The following GPAT3 variants were observed in gnomAD, a reference collection of about 807,000 sequenced individuals.
GPAT3 encodes the protein 1-AGP acyltransferase 9.
In GPAT3, 53 loss-of-function variants were observed where a neutral mutation model predicts 58.8. That is an observed-to-expected ratio of 0.90 (90% CI 0.72 to 1.13). The LOEUF (loss-of-function observed/expected upper bound fraction) is 1.13. GPAT3 is among the 50% of genes most tolerant of loss of function. GPAT3 has a pLI of 0.00. For synonymous variants in GPAT3, 197 were observed against 187.4 expected (o/e 1.05, Z -0.42); for missense variants, 511 against 527.6 (o/e 0.97, Z 0.31).
intron 1 of GPAT3, among the ~76,000 whole-genome samples, chr4:83,543,638 C>T (rs1303851021): frequency 2.7e-5 from 4 of 150,796 alleles, no homozygotes; most frequent in Admixed American, 2.6e-4. Context: ...CTTTTTCATT[C>T]TTTTTTTTTG....
At chr4:83,559,098 T>C (rs1725039297) in intron 2 of GPAT3, among the ~76,000 whole-genome samples, 1 of 152,192 alleles carries the variant, frequency 6.6e-6, no homozygotes, top group Admixed American at 6.5e-5. Flanking sequence ...TTATATGAGA[T>C]ATTTTCCAAG....
chr4:83,548,351 C>T (rs1320460492), intron 2 of GPAT3, among the ~76,000 whole-genome samples: 1 of 152,152 alleles, frequency 6.6e-6, no homozygotes. Context: ...AGGCACCAGC[C>T]TTACTCTTTG....
intron 11 of GPAT3, among the ~76,000 whole-genome samples, chr4:83,599,544 G>C (rs534516331): frequency 6.6e-6 from 1 of 152,142 alleles, no homozygotes; most frequent in Non-Finnish European, 1.5e-5. Context: ...TATGAAGAAA[G>C]CGGGAATGGA....
Position 83,551,706 on chromosome 4 carries a change from C to T in GPAT3, c.208+7104C>T, listed in dbSNP as rs1337136463. Among the ~76,000 whole-genome samples the T allele has an allele frequency of 4.0e-5, 6 of 150,260 alleles. 1 individual carries two copies. Among genetic ancestry groups the T allele is most frequent in the African/African-American group, 7.4e-5 (3 of 40,744 alleles). ...ACTCAGGAGGCTGAGGCAGGAGAAT[C>T]GCTTGAACCTGGGAGGCAGAGGTTG... On this transcript the variant is annotated intron_variant, in intron 2 of 11. Coordinates refer to ENST00000264409, the MANE Select transcript of GPAT3 (RefSeq NM_032717.5).
At chr4:83,578,225 G>A (rs1725891724) in intron 2 of GPAT3, among the ~76,000 whole-genome samples, 1 of 152,142 alleles carries the variant, frequency 6.6e-6, no homozygotes, top group African/African-American at 2.4e-5. Context: ...TTAAAACAGA[G>A]TTCTTTGACA....
chr4:83,555,845 A>C (rs1016071173), intron 2 of GPAT3, among the ~76,000 whole-genome samples: 2 of 152,198 alleles, frequency 1.3e-5, no homozygotes, highest in African/African-American at 4.8e-5. Context: ...GTCAAAATTT[A>C]ATTGAATTAT....
intron 2 of GPAT3, among the ~76,000 whole-genome samples, chr4:83,564,555 C>T (rs1173605626): frequency 1.3e-5 from 2 of 151,944 alleles, no homozygotes; most frequent in Non-Finnish European, 2.9e-5. Context: ...AAAAATTAGC[C>T]AGGTGTGGTG....
intron 1 of GPAT3, among the ~76,000 whole-genome samples, chr4:83,541,965 G>A (rs1252973699): frequency 6.6e-6 from 1 of 152,116 alleles, no homozygotes; most frequent in East Asian, 1.9e-4. Flanking sequence ...TTGGATTAGG[G>A]CCCACCCTAA....
At chr4:83,559,575 C>T (rs9990474) in intron 2 of GPAT3, among the ~76,000 whole-genome samples, 8,953 of 152,182 alleles carry the variant, frequency 0.059, 876 homozygotes, top group African/African-American at 0.2. Flanking sequence ...CTGCTTGCCT[C>T]GGCCCCCCAA....
upstream of GPAT3, chr4:83,535,871 T>G (rs987078784): frequency 2.0e-6 from 2 of 985,330 alleles, no homozygotes; most frequent in African/African-American, 3.5e-5. Context: ...CCCAGATACG[T>G]CAGCAGTTCA....
chr4:83,603,332 G>A (rs529746144), intron 11 of GPAT3, among the ~76,000 whole-genome samples: 3 of 152,278 alleles, frequency 2.0e-5, no homozygotes, highest in Middle Eastern at 3.4e-3. Context: ...TACCCAGGCA[G>A]GCACCCTGGA....
intron 2 of GPAT3, among the ~76,000 whole-genome samples, chr4:83,569,408 C>A: frequency 6.6e-6 from 1 of 152,130 alleles, no homozygotes; most frequent in East Asian, 1.9e-4. Flanking sequence ...AAAAGAGAGA[C>A]CATTTTCTAT....
At chr4:83,554,513 A>G (rs1289364577) in intron 2 of GPAT3, among the ~76,000 whole-genome samples, 3 of 152,142 alleles carry the variant, frequency 2.0e-5, no homozygotes, top group Non-Finnish European at 4.4e-5. Context: ...AATAATAATC[A>G]TAATCACCAC....
At chr4:83,580,810 A>G (rs10035052) in intron 2 of GPAT3, among the ~76,000 whole-genome samples, 50,484 of 151,980 alleles carry the variant, frequency 0.33, 8,485 homozygotes, top group Middle Eastern at 0.44. Context: ...ATATATTAAA[A>G]AATCGGCCGG....
intron 6 of GPAT3, among the ~76,000 whole-genome samples, chr4:83,594,564 T>C (rs1339263275): frequency 3.3e-5 from 5 of 152,242 alleles, no homozygotes; most frequent in Non-Finnish European, 5.9e-5. Flanking sequence ...AGTGTAGTTT[T>C]AATTTACATT....
chr4:83,537,462 G>A (rs973223517), intron 1 of GPAT3, among the ~76,000 whole-genome samples: 1 of 152,124 alleles, frequency 6.6e-6, no homozygotes, highest in African/African-American at 2.4e-5. Context: ...GCTGGGTAGG[G>A]TAGGGAGGGC....
intron 3 of GPAT3, among the ~76,000 whole-genome samples, chr4:83,586,942 T>G (rs1578192786): frequency 6.6e-6 from 1 of 152,250 alleles, no homozygotes; most frequent in Non-Finnish European, 1.5e-5. Flanking sequence ...AACTTGATAG[T>G]TTTGTGAAAA....
At chr4:83,545,684 A>G (rs1428758356) in intron 2 of GPAT3, among the ~76,000 whole-genome samples, 3 of 152,198 alleles carry the variant, frequency 2.0e-5, no homozygotes, top group Non-Finnish European at 2.9e-5. Flanking sequence ...TCACATTTTT[A>G]CCAAGTCCGG....
intron 2 of GPAT3, among the ~76,000 whole-genome samples, chr4:83,562,441 A>G (rs1255432360): frequency 6.6e-6 from 1 of 151,166 alleles, no homozygotes; most frequent in African/African-American, 2.4e-5. Flanking sequence ...GTGGCATTAG[A>G]CAGGATGTGT....
Sources: gnomAD v4.1 joint callset for allele counts (sites outside exome capture counted in the v4.1 genomes callset) on GRCh38, gnomAD v4.1.1 for gene constraint, MANE v1.5 for transcripts, NCBI Gene and HGNC (gene_info 2026-07-23, HGNC 2026-07-21) for gene names.